Variants in LOC128462377 observed in about 807,000 individuals in gnomAD.
chr16:89,320,224 A>G, the LOC128462377 span: 1 of 152,178 alleles, frequency 6.6e-6, no homozygotes, highest in African/African-American at 2.4e-5. Context: ...GTGCCTTCTC[A>G]TCACGATGCT....
At chr16:89,330,752 C>G in the LOC128462377 span, among the ~76,000 whole-genome samples, 4 of 148,704 alleles carry the variant, frequency 2.7e-5, no homozygotes, top group African/African-American at 7.5e-5. Flanking sequence ...TGTTCCTCCT[C>G]GGCGAGTTCC....
the LOC128462377 span, among the ~76,000 whole-genome samples, chr16:89,330,456 G>A: frequency 9.2e-5 from 14 of 152,116 alleles, no homozygotes; most frequent in Non-Finnish European, 1.6e-4. Flanking sequence ...ATTCCTTGGT[G>A]CACAGACACG....
chr16:89,393,308 A>ATT, the LOC128462377 span, among the ~76,000 whole-genome samples: 6 of 145,146 alleles, frequency 4.1e-5, no homozygotes, highest in African/African-American at 1.3e-4. Flanking sequence ...TACTTTTTTT[A>ATT]TTTTTATTTT....
At chr16:89,346,793 C>CT in the LOC128462377 span, among the ~76,000 whole-genome samples, 2 of 152,204 alleles carry the variant, frequency 1.3e-5, no homozygotes, top group South Asian at 2.1e-4. Flanking sequence ...TAAAGAGACT[C>CT]TAAAAGTTAG....
the LOC128462377 span, among the ~76,000 whole-genome samples, chr16:89,403,133 C>T: frequency 3.9e-5 from 6 of 152,176 alleles, no homozygotes; most frequent in Non-Finnish European, 7.3e-5. Flanking sequence ...GACGTGCCCT[C>T]GTGCTTTCAG....
At chr16:89,357,282 T>C in the LOC128462377 span, among the ~76,000 whole-genome samples, 2 of 151,854 alleles carry the variant, frequency 1.3e-5, no homozygotes, top group Non-Finnish European at 2.9e-5. Context: ...AGTCACACCA[T>C]GAAGGAAGGG....
the LOC128462377 span, among the ~76,000 whole-genome samples, chr16:89,381,580 T>C: frequency 6.6e-6 from 1 of 152,194 alleles, no homozygotes; most frequent in African/African-American, 2.4e-5. Context: ...GTAACTTACA[T>C]GCGATGATAC....
chr16:89,413,287 A>C, the LOC128462377 span, among the ~76,000 whole-genome samples: 3 of 152,210 alleles, frequency 2.0e-5, no homozygotes, highest in Non-Finnish European at 4.4e-5. Context: ...TAATAATGGA[A>C]GTATGGTGTT....
At chr16:89,342,804 A>T in the LOC128462377 span, among the ~76,000 whole-genome samples, 1 of 152,230 alleles carries the variant, frequency 6.6e-6, no homozygotes, top group Non-Finnish European at 1.5e-5. Flanking sequence ...GAAAAACATT[A>T]TTACAGAATA....
chr16:89,361,174 G>A, the LOC128462377 span, among the ~76,000 whole-genome samples: 8 of 152,182 alleles, frequency 5.3e-5, no homozygotes, highest in Non-Finnish European at 1.0e-4. Context: ...ACCCTGCTCA[G>A]CTACCCTAAA....
the LOC128462377 span, among the ~76,000 whole-genome samples, chr16:89,335,079 C>T: frequency 1.7e-4 from 26 of 152,278 alleles, no homozygotes; most frequent in South Asian, 1.5e-3. Context: ...CAATAAAAAA[C>T]GACTAACACT....
chr16:89,401,992 G>C, the LOC128462377 span, among the ~76,000 whole-genome samples: 1 of 150,624 alleles, frequency 6.6e-6, no homozygotes, highest in African/African-American at 2.5e-5. Context: ...AGACAGCTTG[G>C]TCTCAGAGCC....
chr16:89,335,427 G>C, the LOC128462377 span, among the ~76,000 whole-genome samples: 1 of 152,192 alleles, frequency 6.6e-6, no homozygotes, highest in Non-Finnish European at 1.5e-5. Flanking sequence ...AGGGGTCTCT[G>C]CCGTCCTGAG....
At chr16:89,413,021 C>T in the LOC128462377 span, among the ~76,000 whole-genome samples, 30 of 152,136 alleles carry the variant, frequency 2.0e-4, no homozygotes, top group African/African-American at 2.9e-4. Flanking sequence ...GTTCCAAACC[C>T]TCCCCCAGGC....
chr16:89,346,374 C>G, the LOC128462377 span, among the ~76,000 whole-genome samples: 3 of 151,912 alleles, frequency 2.0e-5, no homozygotes, highest in African/African-American at 7.3e-5. Flanking sequence ...GACTACAAGA[C>G]AGAAGATCTG....
the LOC128462377 span, chr16:89,317,116 G>T: frequency 1.4e-6 from 2 of 1,379,348 alleles, no homozygotes; most frequent in African/African-American, 1.4e-5. Context: ...TGAATTCAGA[G>T]GCAGCTCAAA....
At chr16:89,320,599 G>C in the LOC128462377 span, among the ~76,000 whole-genome samples, 1 of 152,166 alleles carries the variant, frequency 6.6e-6, no homozygotes, top group Non-Finnish European at 1.5e-5. Flanking sequence ...TGGACTGTCA[G>C]GGTCACCGAG....
the LOC128462377 span, among the ~76,000 whole-genome samples, chr16:89,401,212 G>A: frequency 2.5e-4 from 37 of 150,866 alleles, no homozygotes; most frequent in African/African-American, 9.0e-4. Flanking sequence ...TCCTGCCTCA[G>A]CCTTCCAAGA....
At chr16:89,382,370 G>C in the LOC128462377 span, among the ~76,000 whole-genome samples, 1 of 152,010 alleles carries the variant, frequency 6.6e-6, no homozygotes, top group African/African-American at 2.4e-5. Context: ...CTGTCACCCA[G>C]GCTGGAGGGC....
Sources: gnomAD v4.1 joint callset for allele counts (sites outside exome capture counted in the v4.1 genomes callset) on GRCh38, gnomAD v4.1.1 for gene constraint, MANE v1.5 for transcripts.